ULK4: variants seen among roughly 807,000 people sequenced by gnomAD.
The protein encoded by ULK4 is inactive serine/threonine-protein kinase ULK4.
In ULK4, 133 loss-of-function variants were observed where a neutral mutation model predicts 160.6. The ratio of observed to expected loss-of-function variants is 0.83; its 90% CI spans 0.72 to 0.96. The LOEUF (loss-of-function observed/expected upper bound fraction) is 0.96, where lower values mean the gene tolerates loss of function less well. Ranked by LOEUF, ULK4 falls within the 40% of genes least tolerant of loss-of-function variation. The pLI is 0.00. For missense variants in ULK4, 1,580 were observed against 1,499.5 expected, an observed-to-expected ratio of 1.05 and a Z score of -0.89; for synonymous variants, 534 against 539.8, an observed-to-expected ratio of 0.99 and a Z score of 0.15.
intron 35 of ULK4, among the ~76,000 whole-genome samples, chr3:41,283,525 T>C (rs1310570778): frequency 1.3e-5 from 2 of 152,156 alleles, no homozygotes; most frequent in Non-Finnish European, 2.9e-5. Flanking sequence ...GAAACCATCA[T>C]TCTCAGCAAA....
At chr3:41,463,811 A>G (rs992944605) in intron 32 of ULK4, among the ~76,000 whole-genome samples, 1 of 152,182 alleles carries the variant, frequency 6.6e-6, no homozygotes, top group Non-Finnish European at 1.5e-5. Flanking sequence ...AGTTTGATAT[A>G]GTCTGTTACA....
chr3:41,855,811 TA>T (rs1158089660), intron 17 of ULK4, among the ~76,000 whole-genome samples: 8 of 152,158 alleles, frequency 5.3e-5, no homozygotes, highest in African/African-American at 1.7e-4. Flanking sequence ...AGTAGAAAAT[TA>T]AATGTGATGC....
rs532317566 is a variant in ULK4, at chr3:41,773,220, G to C, written c.2193+16441C>G. Among the ~76,000 whole-genome samples the C allele has an allele frequency of 9.9e-4, 151 of 152,240 alleles. 1 individual carries two copies. The highest frequency in any genetic ancestry group is 3.5e-3 in the African/African-American group (144 of 41,548). On this transcript the variant is annotated intron_variant, in intron 21 of 36. Transcript: ENST00000301831. ...AACATAGTGTTGGAAGTTCTGGCCA[G>C]GGCAATCAGGCAGGAGAAGGAAATA...
At chr3:41,557,636 C>T (rs549016847) in intron 32 of ULK4, among the ~76,000 whole-genome samples, 7 of 151,282 alleles carry the variant, frequency 4.6e-5, no homozygotes, top group Admixed American at 2.6e-4. Context: ...CATGGTGGCA[C>T]GCGCCTGTTG....
At chr3:41,464,753 A>G (rs956144154) in intron 32 of ULK4, among the ~76,000 whole-genome samples, 3 of 152,190 alleles carry the variant, frequency 2.0e-5, no homozygotes, top group African/African-American at 7.2e-5. Flanking sequence ...CAAAGGTAAA[A>G]GGGGTAAGTA....
chr3:41,706,840 A>ATAT (rs1261207514), intron 25 of ULK4, among the ~76,000 whole-genome samples: 4 of 130,814 alleles, frequency 3.1e-5, no homozygotes, highest in African/African-American at 1.1e-4. Context: ...AAAAAAAAAA[A>ATAT]AAAAAAATAT....
At chr3:41,266,270 T>G (rs570438763) in intron 35 of ULK4, among the ~76,000 whole-genome samples, 1 of 152,160 alleles carries the variant, frequency 6.6e-6, no homozygotes, top group African/African-American at 2.4e-5. Context: ...GACCACCATG[T>G]AGCAATCACT....
At chr3:41,891,310 C>G (rs1481586314) in intron 16 of ULK4, among the ~76,000 whole-genome samples, 1 of 29,336 alleles carries the variant, frequency 3.4e-5, no homozygotes. Flanking sequence ...GGGACGGGAG[C>G]GGGGAAGGAA....
At chr3:41,887,343 T>G (rs533310664) in intron 16 of ULK4, among the ~76,000 whole-genome samples, 2 of 152,364 alleles carry the variant, frequency 1.3e-5, no homozygotes, top group Admixed American at 6.5e-5. Context: ...AAGCCACTAT[T>G]ACTATATTAA....
chr3:41,905,389 G>A (rs1269260895), intron 12 of ULK4, among the ~76,000 whole-genome samples: 1 of 152,100 alleles, frequency 6.6e-6, no homozygotes, highest in South Asian at 2.1e-4. Flanking sequence ...ACTCTTAGAA[G>A]AAAACATAGG....
At chr3:41,941,755 CA>C (rs565727539) in intron 2 of ULK4, among the ~76,000 whole-genome samples, 1,677 of 30,714 alleles carry the variant, frequency 0.055, 20 homozygotes, top group African/African-American at 0.12. Context: ...GACTCTGTCT[CA>C]AAAAAAAAAA....
chr3:41,310,006 A>C (rs1461990665), intron 35 of ULK4, among the ~76,000 whole-genome samples: 1 of 152,216 alleles, frequency 6.6e-6, no homozygotes, highest in Non-Finnish European at 1.5e-5. Context: ...TGAAGGATTT[A>C]AAGTCATTGC....
At chr3:41,773,044 T>A (rs954757095) in intron 21 of ULK4, among the ~76,000 whole-genome samples, 1 of 152,158 alleles carries the variant, frequency 6.6e-6, no homozygotes, top group African/African-American at 2.4e-5. Context: ...AAACTCTCAA[T>A]AAATTAGGTA....
intron 35 of ULK4, among the ~76,000 whole-genome samples, chr3:41,395,723 G>C (rs1409517671): frequency 6.6e-6 from 1 of 152,098 alleles, no homozygotes; most frequent in Admixed American, 6.6e-5. Flanking sequence ...ACAACAATGT[G>C]AATATGCTTA....
chr3:41,800,341 A>C (rs1203483269), intron 19 of ULK4, 48 bp from the exon 20 acceptor site: 8 of 1,520,052 alleles, frequency 5.3e-6, no homozygotes, highest in Non-Finnish European at 7.2e-6. Flanking sequence ...AAATAAATAC[A>C]TGTTATTTCT....
chr3:41,454,365 C>A (rs1417535821), intron 34 of ULK4, among the ~76,000 whole-genome samples: 4 of 149,746 alleles, frequency 2.7e-5, no homozygotes, highest in Admixed American at 6.7e-5. Flanking sequence ...TATGGTGAAA[C>A]CCTGTCTCTA....
chr3:41,378,274 A>G (rs1199679483), intron 35 of ULK4, among the ~76,000 whole-genome samples: 1 of 150,820 alleles, frequency 6.6e-6, no homozygotes, highest in Non-Finnish European at 1.5e-5. Context: ...ACCTAATGCT[A>G]GATGACGAGT....
At chr3:41,337,994 C>G (rs1329379911) in intron 35 of ULK4, among the ~76,000 whole-genome samples, 1 of 152,232 alleles carries the variant, frequency 6.6e-6, no homozygotes, top group Non-Finnish European at 1.5e-5. Flanking sequence ...CTCATATCCT[C>G]TCTTCTCTCA....
intron 32 of ULK4, among the ~76,000 whole-genome samples, chr3:41,519,236 G>A (rs543513803): frequency 1.3e-5 from 2 of 152,280 alleles, no homozygotes; most frequent in South Asian, 2.1e-4. Context: ...TCAAGGTCCT[G>A]CCTTTTGGAG....
Sources: gnomAD v4.1 joint callset for allele counts (sites outside exome capture counted in the v4.1 genomes callset) on GRCh38, gnomAD v4.1.1 for gene constraint, MANE v1.5 for transcripts, NCBI Gene and HGNC (gene_info 2026-07-23, HGNC 2026-07-21) for gene names.